The following KIZ variants were observed in gnomAD, a reference collection of about 807,000 sequenced individuals.
KIZ encodes the protein kizuna centrosomal protein, also known as centrosomal protein kizuna.
In KIZ, 68 loss-of-function variants were observed where a neutral mutation model predicts 79.6. The observed-to-expected ratio is 0.85, with a 90% CI of 0.70 to 1.05. KIZ has a LOEUF of 1.05. KIZ is among the 50% of genes least tolerant of loss of function. The probability of loss-of-function intolerance (pLI) is 0.00; values close to 1 mark genes in which losing one functional copy is unlikely to be tolerated. For missense variants in KIZ, 797 were observed against 800.4 expected (o/e 1.00, Z 0.05); for synonymous variants, 280 against 281.8 (o/e 0.99, Z 0.06).
intron 10 of KIZ, among the ~76,000 whole-genome samples, chr20:21,231,265 A>G (rs1210575833): frequency 2.0e-5 from 3 of 152,146 alleles, no homozygotes; most frequent in Non-Finnish European, 2.9e-5. Flanking sequence ...CAGAGGTTGC[A>G]GTGAGCTGAG....
chr20:21,238,411 G>A (rs893322621), intron 11 of KIZ, among the ~76,000 whole-genome samples: 10 of 151,958 alleles, frequency 6.6e-5, no homozygotes, highest in Non-Finnish European at 1.3e-4. Flanking sequence ...GTGTGAATGT[G>A]TGTGTGGACA....
chr20:21,232,928 C>G (rs2036883636), intron 11 of KIZ, 98 bp downstream of exon 11: 2 of 688,168 alleles, frequency 2.9e-6, no homozygotes, highest in Non-Finnish European at 5.4e-6. Context: ...TGTTGTATGA[C>G]TTGGAGGGTT....
chr20:21,140,287 C>T (rs1448987258), intron 3 of KIZ, among the ~76,000 whole-genome samples: 1 of 152,114 alleles, frequency 6.6e-6, no homozygotes, highest in Non-Finnish European at 1.5e-5. Context: ...AGTGCATTGC[C>T]CACACACCCC....
At chr20:21,149,450 G>T (rs1378963131) in intron 4 of KIZ, among the ~76,000 whole-genome samples, 1 of 152,206 alleles carries the variant, frequency 6.6e-6, no homozygotes, top group Non-Finnish European at 1.5e-5. Flanking sequence ...GGTTGGCTTT[G>T]TTGGGCAGAA....
chr20:21,238,815 G>T (rs887446390), intron 11 of KIZ, among the ~76,000 whole-genome samples: 1 of 152,148 alleles, frequency 6.6e-6, no homozygotes, highest in African/African-American at 2.4e-5. Context: ...GCCTTGCTCT[G>T]CCCCTGCTCT....
intron 6 of KIZ, among the ~76,000 whole-genome samples, chr20:21,199,277 G>T (rs1203495583): frequency 6.6e-6 from 1 of 152,154 alleles, no homozygotes; most frequent in Non-Finnish European, 1.5e-5. Context: ...TTGATCTACA[G>T]TTATGTGTAA....
chr20:21,146,936 G>A (rs906942518), intron 4 of KIZ, among the ~76,000 whole-genome samples: 9 of 152,118 alleles, frequency 5.9e-5, no homozygotes, highest in African/African-American at 1.9e-4. Flanking sequence ...GATAAATGAC[G>A]TATATGCCAT....
intron 6 of KIZ, among the ~76,000 whole-genome samples, chr20:21,173,954 A>G (rs983482936): frequency 1.3e-5 from 2 of 152,222 alleles, no homozygotes; most frequent in African/African-American, 4.8e-5. Flanking sequence ...AAAGTGGCCC[A>G]GGGCATGACT....
At chr20:21,142,686 C>T (rs962678707) in intron 3 of KIZ, among the ~76,000 whole-genome samples, 1 of 151,730 alleles carries the variant, frequency 6.6e-6, no homozygotes, top group Non-Finnish European at 1.5e-5. Context: ...CAGCTATTTG[C>T]GAGGCTGAGG....
At position 21,162,969 on chromosome 20, in the gene KIZ, A is replaced by G; in HGVS notation, c.1162A>G (p.Ile388Val). The G allele has an allele frequency of 6.2e-7, 1 of 1,613,870 alleles. No individual in the cohort carries two copies. The highest frequency in any genetic ancestry group is 8.5e-7 in the Non-Finnish European group (1 of 1,179,816). Residue 388 changes from isoleucine (I) to valine (V), a missense_variant, in exon 6 of 13, where the codon ATT becomes GTT. Ile to Val is a conservative substitution (Grantham distance 29). Coordinates refer to ENST00000619189, the MANE Select transcript of KIZ (RefSeq NM_018474.6). ...CATTTCAATAAGTGAAGATGATCTG[A>G]TTTTAGAGAGCCCAGAACCACAGCC... ...LTISISEDDL[I>V]LESPEPQPNP...
At chr20:21,197,104 G>C (rs1343779023) in intron 6 of KIZ, 3 of 152,166 alleles carry the variant, frequency 2.0e-5, no homozygotes, top group Non-Finnish European at 2.9e-5. Flanking sequence ...TAGAAACACT[G>C]TTTTGTCTTC....
intron 6 of KIZ, among the ~76,000 whole-genome samples, chr20:21,166,758 AATTTTTGT>A (rs1361865476): frequency 2.0e-5 from 3 of 151,016 alleles, no homozygotes; most frequent in Non-Finnish European, 4.4e-5. Context: ...GCACCTGGCC[AATTTTTGT>A]ATTTTTAGTA....
chr20:21,133,072 T>C (rs1253428714), intron 2 of KIZ: 2 of 152,246 alleles, frequency 1.3e-5, no homozygotes, highest in African/African-American at 4.8e-5. Context: ...ATTATTCATA[T>C]GAAGAACTTC....
intron 6 of KIZ, chr20:21,166,619 T>C: frequency 9.5e-7 from 1 of 1,052,710 alleles, no homozygotes; most frequent in East Asian, 2.4e-5. Flanking sequence ...GAAAGAGCTT[T>C]TGTATTTTTT....
chr20:21,136,836 T>A (rs1426666931), intron 3 of KIZ, among the ~76,000 whole-genome samples: 1 of 152,220 alleles, frequency 6.6e-6, no homozygotes, highest in Non-Finnish European at 1.5e-5. Context: ...AAGTTTCAGA[T>A]CAGTGGTAGT....
At chr20:21,199,567 A>G (rs1330646414) in intron 6 of KIZ, among the ~76,000 whole-genome samples, 1 of 152,214 alleles carries the variant, frequency 6.6e-6, no homozygotes, top group African/African-American at 2.4e-5. Context: ...GACAGCAGTC[A>G]GGTCTTTAAA....
At chr20:21,211,977 T>C (rs2036086948) in intron 7 of KIZ, among the ~76,000 whole-genome samples, 1 of 152,136 alleles carries the variant, frequency 6.6e-6, no homozygotes, top group African/African-American at 2.4e-5. Context: ...TAATCCCAGC[T>C]ACTTGGGAGG....
chr20:21,200,539 A>G (rs2035551556), intron 6 of KIZ, among the ~76,000 whole-genome samples: 2 of 151,826 alleles, frequency 1.3e-5, no homozygotes, highest in Admixed American at 1.3e-4. Context: ...ACAATGACAG[A>G]TCATCAGGCG....
intron 11 of KIZ, among the ~76,000 whole-genome samples, chr20:21,235,586 C>T (rs1323083067): frequency 6.6e-6 from 1 of 152,176 alleles, no homozygotes; most frequent in Non-Finnish European, 1.5e-5. Context: ...CCCCAGCAAG[C>T]GGTTTTCACT....
Sources: allele counts gnomAD v4.1 joint callset (sites outside exome capture counted in the v4.1 genomes callset), GRCh38; gene constraint gnomAD v4.1.1; transcripts MANE v1.5; gene names NCBI Gene and HGNC (gene_info 2026-07-23, HGNC 2026-07-21).